KIAA2012: variants seen among roughly 807,000 people sequenced by gnomAD.
The protein encoded by KIAA2012 is uncharacterized protein KIAA2012.
KIAA2012 carries 125 observed loss-of-function variants against 150.6 expected under a neutral mutation model. The ratio of observed to expected loss-of-function variants is 0.83; its 90% confidence interval spans 0.72 to 0.96. The LOEUF (loss-of-function observed/expected upper bound fraction) is 0.96. Among genes scored for constraint, KIAA2012 ranks in the 40% least tolerant of loss-of-function variants. KIAA2012 has a pLI of 0.00. For synonymous variants in KIAA2012, 462 were observed against 504.7 expected (o/e 0.92, Z 1.13); for missense variants, 1,219 against 1,354.9 (o/e 0.90, Z 1.57).
At chr2:202,183,494 TTTGA>T (rs1292256922) in intron 15 of KIAA2012, among the ~76,000 whole-genome samples, 4 of 149,346 alleles carry the variant, frequency 2.7e-5, no homozygotes, top group Non-Finnish European at 4.5e-5. Flanking sequence ...TTTTTTTTTT[TTTGA>T]GACAGTCTCA....
intron 12 of KIAA2012, chr2:202,136,941 C>T (rs2055403707): frequency 6.6e-6 from 1 of 152,360 alleles, no homozygotes; most frequent in South Asian, 2.1e-4. Flanking sequence ...CAACCTCCAC[C>T]TCCCGGGTTC....
intron 1 of KIAA2012, among the ~76,000 whole-genome samples, chr2:202,073,913 C>T (rs1689263611): frequency 6.6e-6 from 1 of 151,708 alleles, no homozygotes; most frequent in South Asian, 2.1e-4. Flanking sequence ...CCCTGAGGCC[C>T]TCATCTTTCC....
At chr2:202,154,131 T>A (rs1238104123) in intron 13 of KIAA2012, among the ~76,000 whole-genome samples, 2 of 152,266 alleles carry the variant, frequency 1.3e-5, no homozygotes, top group African/African-American at 4.8e-5. Context: ...CTCTGCTACA[T>A]TTGTTCAAAT....
chr2:202,197,366 G>A (rs751401797), intron 22 of KIAA2012: 26 of 300,796 alleles, frequency 8.6e-5, no homozygotes, highest in Non-Finnish European at 1.2e-4. Context: ...CCCTGATTTC[G>A]AACCCACTGC....
intron 11 of KIAA2012, chr2:202,116,466 T>C (rs1040853521): frequency 7.1e-5 from 2 of 28,298 alleles, no homozygotes; most frequent in Non-Finnish European, 6.3e-5. Context: ...CATGCCCGGC[T>C]TTTTTTTTTT....
At chr2:202,178,202 AAAAGAAAG>A (rs148733507) in intron 15 of KIAA2012, among the ~76,000 whole-genome samples, 1 of 151,908 alleles carries the variant, frequency 6.6e-6, no homozygotes, top group Non-Finnish European at 1.5e-5. Flanking sequence ...CTGTCTCAGA[AAAAGAAAG>A]AAAGAAAGAA....
intron 15 of KIAA2012, among the ~76,000 whole-genome samples, chr2:202,173,595 T>G (rs1676665604): frequency 6.6e-6 from 1 of 151,828 alleles, no homozygotes; most frequent in South Asian, 2.1e-4. Context: ...AAAAGGAAAA[T>G]TATAGACCAA....
Position 202,090,922 on chromosome 2 carries a change from G to A in KIAA2012, c.522G>A (p.Trp174Ter), listed in dbSNP as rs1413362851. The part of the protein sequence containing the change: ...TWPPDAMYRL[W>*]CAGYIKDSVL... The stretch of plus-strand genomic sequence containing the variant: ...CCCCAGACGCCATGTATAGGCTCTG[G>A]TGCGCAGGTCAGTGGGGAAATGGGA... Residue 174 changes from tryptophan (W) to a stop codon, truncating the protein, a stop_gained, in exon 3 of 24, where the codon TGG becomes TGA. Coordinates refer to ENST00000498697, the MANE Select transcript of KIAA2012 (RefSeq NM_001277372.4). LOFTEE classifies it high-confidence loss of function. The A allele has an allele frequency of 2.6e-6, 4 of 1,547,816 alleles. No homozygotes were observed. The highest frequency in any genetic ancestry group is 3.5e-6 in the Non-Finnish European group (4 of 1,144,946).
In KIAA2012 at chr2:202,075,026, T is replaced by C. The variant is rs1234817485; in HGVS notation, c.220T>C (p.Tyr74His). 2.6e-6 allele frequency: 4 copies of C among 1,550,630 alleles called. No individual in the cohort carries two copies. The highest frequency in any genetic ancestry group is 2.4e-5 in the East Asian group (1 of 40,916). The change falls in exon 2 of 24, where the codon TAC becomes CAC. Residue 74 changes from tyrosine (Y) to histidine (H), a missense_variant. Tyr to His is a moderately conservative substitution (Grantham distance 83). Transcript: ENST00000498697. The stretch of plus-strand genomic sequence containing the variant: ...TACTAGAAAGGGTGCCCTGATCCTG[T>C]ACTCAGAAGGTTTTGCCATTTCGGC... ...FSTRKGALIL[Y>H]SEGFAISAWT...
intron 12 of KIAA2012, among the ~76,000 whole-genome samples, chr2:202,133,130 A>ATATATATAT (rs1279080237): frequency 1.5e-5 from 1 of 67,780 alleles, no homozygotes; most frequent in African/African-American, 5.8e-5. Flanking sequence ...ATATATATAT[A>ATATATATAT]TTTTTTTTTT....
chr2:202,195,394 T>C (rs1457632914), intron 21 of KIAA2012, among the ~76,000 whole-genome samples: 1 of 151,938 alleles, frequency 6.6e-6, no homozygotes, highest in Non-Finnish European at 1.5e-5. Context: ...GGTGTGTGCC[T>C]GTAGTCCCAG....
intron 22 of KIAA2012, chr2:202,201,410 A>AC: frequency 1.3e-6 from 2 of 1,589,260 alleles, no homozygotes; most frequent in South Asian, 2.2e-5. Context: ...CATCTGATTC[A>AC]CCCATGAAGA....
intron 15 of KIAA2012, among the ~76,000 whole-genome samples, chr2:202,168,261 A>G (rs1026315894): frequency 4.0e-5 from 6 of 151,852 alleles, no homozygotes; most frequent in Non-Finnish European, 7.4e-5. Flanking sequence ...TCTACTAAAA[A>G]TACAAAAATT....
At chr2:202,155,622 G>A (rs1363688413) in intron 14 of KIAA2012, among the ~76,000 whole-genome samples, 1 of 152,170 alleles carries the variant, frequency 6.6e-6, no homozygotes, top group African/African-American at 2.4e-5. Context: ...CCAGGCCTTT[G>A]ATAAGAAATG....
At chr2:202,124,944 C>T (rs978325498) in intron 11 of KIAA2012, among the ~76,000 whole-genome samples, 5 of 152,172 alleles carry the variant, frequency 3.3e-5, no homozygotes, top group African/African-American at 1.2e-4. Context: ...GTGGCACATG[C>T]CCGTAATGCC....
At chr2:202,187,641 A>G (rs1467553920) in intron 17 of KIAA2012, among the ~76,000 whole-genome samples, 2 of 152,176 alleles carry the variant, frequency 1.3e-5, no homozygotes, top group Non-Finnish European at 2.9e-5. Flanking sequence ...CTGAGTGGGT[A>G]GTCATGACCC....
intron 21 of KIAA2012, among the ~76,000 whole-genome samples, chr2:202,195,676 C>T (rs1490382987): frequency 2.6e-5 from 4 of 152,164 alleles, no homozygotes; most frequent in Non-Finnish European, 5.9e-5. Context: ...CCCTACCCAC[C>T]TCCACCAACC....
intron 3 of KIAA2012, 24 bp from the exon 4 acceptor site, chr2:202,093,006 A>G: frequency 1.3e-6 from 2 of 1,537,350 alleles, no homozygotes; most frequent in Non-Finnish European, 1.8e-6. Context: ...TATTTCTATC[A>G]ATATCTCCTG....
At chr2:202,085,268 A>C (rs1162190312) in intron 2 of KIAA2012, among the ~76,000 whole-genome samples, 1 of 152,186 alleles carries the variant, frequency 6.6e-6, no homozygotes, top group Non-Finnish European at 1.5e-5. Flanking sequence ...AATCCCTGGG[A>C]CCTGAGAGGT....
Sources: gnomAD v4.1 joint callset for allele counts (sites outside exome capture counted in the v4.1 genomes callset) on GRCh38, gnomAD v4.1.1 for gene constraint, MANE v1.5 for transcripts, NCBI Gene and HGNC (gene_info 2026-07-23, HGNC 2026-07-21) for gene names.